SLC5A7: variants seen among roughly 807,000 people sequenced by gnomAD.
SLC5A7 encodes high affinity choline transporter 1.
In SLC5A7, 19 loss-of-function variants were observed where a neutral mutation model predicts 55.4. The observed-to-expected ratio is 0.34, with a 90% CI of 0.24 to 0.50. The LOEUF is 0.50. Ranked by LOEUF, SLC5A7 falls within the 20% of genes least tolerant of loss-of-function variation. The probability of loss-of-function intolerance (pLI) is 0.98; values close to 1 mark genes in which losing one functional copy is unlikely to be tolerated. For missense variants in SLC5A7, 506 were observed against 705.3 expected (o/e 0.72, Z 3.20); for synonymous variants, 265 against 263.7 (o/e 1.00, Z -0.05).
rs1399886893 is a variant in SLC5A7, at chr2:108,011,339, T to A, written c.*478T>A. ...AATGAATTAACCAGCTGATTTTTCT[T>A]AGTGTGATGATTAACCCCTTCTTTC... On this transcript the variant is annotated 3_prime_UTR_variant, in exon 9 of 9. Coordinates refer to ENST00000264047, the MANE Select transcript of SLC5A7 (RefSeq NM_021815.5). The A allele has an allele frequency of 6.6e-6, 1 of 152,556 alleles. No individual in the cohort carries two copies. Among genetic ancestry groups the A allele is most frequent in the Non-Finnish European group, 1.5e-5 (1 of 68,308 alleles). 9.5% of individuals were successfully genotyped at this position (152,556 alleles called of 1,614,324 possible).
chr2:107,997,219 ATTT>A (rs1014047605), intron 4 of SLC5A7, among the ~76,000 whole-genome samples: 7 of 152,160 alleles, frequency 4.6e-5, no homozygotes, highest in African/African-American at 7.2e-5. Flanking sequence ...ATAATAGCAT[ATTT>A]TTACTGTTAC....
intron 5 of SLC5A7, among the ~76,000 whole-genome samples, chr2:107,998,519 T>C (rs116583729): frequency 0.015 from 2,242 of 152,310 alleles, 68 homozygotes; most frequent in African/African-American, 0.052. Context: ...TTATTATAAT[T>C]ATGAGACATG....
rs771965968 is a variant in SLC5A7, at chr2:107,988,265, A to G, written c.110A>G (p.Glu37Gly). 4 of 1,614,014 alleles carry G rather than the reference A, an allele frequency of 2.5e-6. No individual in the cohort carries two copies. Among genetic ancestry groups the G allele is most frequent in the Non-Finnish European group, 3.4e-6 (4 of 1,179,998 alleles). Residue 37 changes from glutamate to glycine, a missense_variant, in exon 2 of 9, where the codon GAG (glutamate) becomes GGG (glycine). Glu to Gly is a moderately conservative substitution (Grantham distance 98). This residue lies in a region of SLC5A7 where 56 missense variants were observed against 62.6 expected (regional missense o/e 0.89). Transcript: ENST00000264047. Reference protein sequence around the residue: ...WRTKNSGSAEERSEAIIVGGR... With the variant: ...WRTKNSGSAEGRSEAIIVGGR... ...ACCAAAAACAGTGGCAGCGCAGAAGAGCGCAGCGAAGCCATCATAGTTGGT... is the reference window on the plus strand; with the variant it reads ...ACCAAAAACAGTGGCAGCGCAGAAGGGCGCAGCGAAGCCATCATAGTTGGT...
At chr2:108,005,979 G>A in intron 6 of SLC5A7, 70 bp from the exon 7 acceptor site, 2 of 1,583,476 alleles carry the variant, frequency 1.3e-6, no homozygotes, top group East Asian at 2.2e-5. Flanking sequence ...TATTCTAAAT[G>A]TGATTGCAAT....
rs9789771 is a variant in SLC5A7, at chr2:108,008,234, T to C, written c.896-231T>C. ...CATTGCAGAAAGGAAATATATATCT[T>C]ACCACCAGTGTCTGTGCAGGCATTG... On this transcript the variant is annotated intron_variant, in intron 7 of 8. Coordinates refer to ENST00000264047, the MANE Select transcript of SLC5A7 (RefSeq NM_021815.5). 3.1e-3 allele frequency among the ~76,000 whole-genome samples: 467 copies of C among 152,294 alleles called. 22 individuals are homozygous for C. In the East Asian group the frequency reaches 0.072, roughly 23 times the overall value.
intron 4 of SLC5A7, among the ~76,000 whole-genome samples, chr2:107,995,766 C>T (rs1677648318): frequency 2.6e-5 from 4 of 152,068 alleles, no homozygotes; most frequent in Admixed American, 2.6e-4. Context: ...CTTAAACTAT[C>T]TTCTTGGTAG....
rs773393717 is a variant in SLC5A7, at chr2:108,010,667, G to A, written c.1549G>A (p.Val517Ile). 2.9e-5 allele frequency: 47 copies of A among 1,613,788 alleles called. No homozygotes were observed. The Admixed American group carries it at 5.5e-4, about 19-fold the overall frequency. ...ACCTAAATTAGATGTATTTGATGCT[G>A]TTGTTGCAAGACACAGTGAAGAAAA... is the stretch of plus-strand genomic sequence containing the variant. ...LPPKLDVFDA[V>I]VARHSEENMD... Residue 517 changes from valine (V) to isoleucine (I), a missense_variant, in exon 9 of 9, where the codon GTT (valine) becomes ATT (isoleucine). Physicochemically the swap from Val to Ile is conservative, Grantham distance 29. Around this residue, in one of 4 missense-constraint regions of SLC5A7, gnomAD observed 137 missense variants for 143.6 expected, o/e 0.95. Coordinates refer to ENST00000264047, the MANE Select transcript of SLC5A7 (RefSeq NM_021815.5).
rs745665741 is a variant in SLC5A7, at chr2:107,993,054, C to T, written c.375C>T (p.Arg125=). Residue 125 remains arginine, a synonymous_variant, in exon 4 of 9, where the codon CGC becomes CGT. Transcript: ENST00000264047. ...LDPFQQIYGK[R]MGGLLFIPAL... ...CGTTTCAGCAAATCTATGGAAAACG[C>T]ATGGGCGGACTCCTGTTTATTCCTG... 1.9e-6 allele frequency: 3 copies of T among 1,614,104 alleles called. No individual in the cohort carries two copies. Among genetic ancestry groups the T allele is most frequent in the Non-Finnish European group, 2.5e-6 (3 of 1,180,038 alleles).
chr2:108,006,030 C>T lies in SLC5A7; in HGVS notation c.742-19C>T, dbSNP rs758950508. The T allele has an allele frequency of 1.2e-6, 2 of 1,613,702 alleles. No homozygotes were observed. The highest frequency in any genetic ancestry group is 8.5e-7 in the Non-Finnish European group (1 of 1,179,728). On this transcript the variant is annotated intron_variant, in intron 6 of 8. Transcript: ENST00000264047. ...AATGAATAGATGTTTGCCTCTCCAT[C>T]CTTGTGTTTCCCGCACAGATGCTGG...
intron 7 of SLC5A7, 72 bp from the exon 8 acceptor site, chr2:108,008,393 A>T: frequency 8.5e-7 from 1 of 1,178,398 alleles, no homozygotes. Context: ...CCTAGTAAAT[A>T]GGATGACCCC....
intron 4 of SLC5A7, among the ~76,000 whole-genome samples, chr2:107,994,734 A>C (rs1184838742): frequency 6.6e-6 from 1 of 152,166 alleles, no homozygotes; most frequent in African/African-American, 2.4e-5. Flanking sequence ...TCATTAGCTG[A>C]GTTGCATTGG....
intron 2 of SLC5A7, among the ~76,000 whole-genome samples, chr2:107,990,645 G>A (rs1558858967): frequency 1.3e-5 from 2 of 152,144 alleles, no homozygotes; most frequent in Admixed American, 1.3e-4. Flanking sequence ...TGCTAAATAC[G>A]TATTTGTCTC....
At position 107,992,212 on chromosome 2, in the gene SLC5A7, G is replaced by C. The variant is rs1446568843; in HGVS notation, c.285G>C (p.Leu95=). The C allele has an allele frequency of 1.2e-6, 2 of 1,605,752 alleles. No homozygotes were observed. The highest frequency in any genetic ancestry group is 1.7e-5 in the Admixed American group (1 of 59,920). Residue 95 remains leucine, a synonymous_variant, in exon 3 of 9, where the codon CTG becomes CTC. Transcript: ENST00000264047. ...AQAPIGYSLS[L]ILGGLFFAKP... The stretch of plus-strand genomic sequence containing the variant: ...CACCAATTGGATATTCTCTTAGTCT[G>C]ATTTTAGGTAAGTGAAAGTGCAAAT...
intron 7 of SLC5A7, among the ~76,000 whole-genome samples, chr2:108,007,210 T>C (rs333224): frequency 0.91 from 138,011 of 152,092 alleles, 62,915 homozygotes; most frequent in East Asian, 0.99. Context: ...TCACCTTTTG[T>C]CCTGTGGTAT....
At chr2:108,003,287 T>C (rs1242091855) in intron 6 of SLC5A7, among the ~76,000 whole-genome samples, 2 of 152,210 alleles carry the variant, frequency 1.3e-5, no homozygotes, top group African/African-American at 4.8e-5. Context: ...AATCACATCA[T>C]TGTCTGAGTT....
rs1323329132 is a variant in SLC5A7, at chr2:108,010,536, A to C, written c.1418A>C (p.Tyr473Ser). 1 of 1,613,730 alleles carries C rather than the reference A, an allele frequency of 6.2e-7. No individual in the cohort carries two copies. Among genetic ancestry groups the C allele is most frequent in the Non-Finnish European group, 8.5e-7 (1 of 1,179,882 alleles). The change falls in exon 9 of 9, where the codon TAT becomes TCT. Residue 473 changes from tyrosine (Y) to serine (S), a missense_variant. Around this residue, in one of 4 missense-constraint regions of SLC5A7, gnomAD observed 137 missense variants for 143.6 expected, o/e 0.95. Coordinates refer to ENST00000264047, the MANE Select transcript of SLC5A7 (RefSeq NM_021815.5). ...PGYYPDDNGIYNQKFPFKTLA... is the reference protein window; with the variant it reads ...PGYYPDDNGISNQKFPFKTLA... The stretch of plus-strand genomic sequence containing the variant: ...TATTACCCTGATGATAATGGTATAT[A>C]TAATCAGAAATTTCCATTTAAAACA...
chr2:108,000,890 C>G (rs944356906), intron 5 of SLC5A7, among the ~76,000 whole-genome samples: 1 of 150,138 alleles, frequency 6.7e-6, no homozygotes, highest in East Asian at 1.9e-4. Context: ...CCACAGTGCT[C>G]GGCACCATTT....
chr2:108,004,775 C>T lies in SLC5A7; in HGVS notation c.742-1274C>T, dbSNP rs570456575. On this transcript the variant is annotated intron_variant, in intron 6 of 8. Transcript: ENST00000264047. ...TATTAGTTTCTCTCTCAGGTACTCT[C>T]TTCTCCCTCCATCTCCACCTGTGGA... is the stretch of plus-strand genomic sequence containing the variant. Among the ~76,000 whole-genome samples, 242 of 152,232 alleles carry T rather than the reference C, an allele frequency of 1.6e-3. 2 individuals carry two copies. Among genetic ancestry groups the T allele is most frequent in the African/African-American group, 5.7e-3 (237 of 41,538 alleles).
Position 108,013,558 on chromosome 2 carries a change from G to A in SLC5A7, c.*2697G>A, listed in dbSNP as rs990525012. On this transcript the variant is annotated 3_prime_UTR_variant, in exon 9 of 9. Coordinates refer to ENST00000264047, the MANE Select transcript of SLC5A7 (RefSeq NM_021815.5). The stretch of plus-strand genomic sequence containing the variant: ...GCTCTGTTTTGACATAATGAGTAAT[G>A]CAGACATTTACATGTTCTTCCAGCT... 4 of 152,072 alleles carry A rather than the reference G, an allele frequency of 2.6e-5. No homozygotes were observed. The highest frequency in any genetic ancestry group is 5.9e-5 in the Non-Finnish European group (4 of 67,996). The allele number at this position is 152,072 out of a possible 1,614,324, so 9.4% of individuals were successfully genotyped here. A position where few individuals can be genotyped will look rare whatever the true frequency, so the allele number is the denominator to read the frequency against.
Sources: allele counts gnomAD v4.1 joint callset (sites outside exome capture counted in the v4.1 genomes callset), GRCh38; gene constraint gnomAD v4.1.1; regional missense constraint gnomAD v4.1.1; transcripts MANE v1.5; gene names NCBI Gene and HGNC (gene_info 2026-07-23, HGNC 2026-07-21).